PPP2R5C: variants seen among roughly 807,000 people sequenced by gnomAD.
PPP2R5C encodes serine/threonine-protein phosphatase 2A 56 kDa regulatory subunit gamma isoform.
In PPP2R5C, 7 loss-of-function variants were observed where a neutral mutation model predicts 68.9. The observed-to-expected ratio is 0.10, with a 90% confidence interval of 0.06 to 0.19. PPP2R5C has a LOEUF of 0.19. Among genes scored for constraint, PPP2R5C ranks in the 10% least tolerant of loss-of-function variants. The probability of loss-of-function intolerance (pLI) is 1.00; values close to 1 mark genes in which losing one functional copy is unlikely to be tolerated. For missense variants in PPP2R5C, 348 were observed against 641.3 expected (o/e 0.54, Z 4.94); for synonymous variants, 210 against 222.2 (o/e 0.95, Z 0.49).
exon 14 of PPP2R5C, chr14:101,927,735 C>T (rs2047334017): frequency 6.6e-6 from 1 of 152,572 alleles, no homozygotes; most frequent in Non-Finnish European, 1.5e-5. Flanking sequence ...TTCATAGAAA[C>T]AGCAAATATA....
intron 8 of PPP2R5C, among the ~76,000 whole-genome samples, chr14:101,896,404 G>A (rs891924009): frequency 2.6e-5 from 4 of 152,094 alleles, no homozygotes; most frequent in Non-Finnish European, 5.9e-5. Flanking sequence ...GACTGATGAT[G>A]TTGAGCATCT....
At chr14:101,864,303 G>A (rs2042928128) in intron 2 of PPP2R5C, among the ~76,000 whole-genome samples, 1 of 152,064 alleles carries the variant, frequency 6.6e-6, no homozygotes, top group Admixed American at 6.5e-5. Flanking sequence ...CATTAGAGTG[G>A]ACCTCTCCAG....
chr14:101,906,371 C>G lies in PPP2R5C; in HGVS notation c.1024-31C>G. On this transcript the variant is annotated intron_variant, in intron 9 of 13. Transcript: ENST00000334743. The surrounding 1 kb of genome is among the most constrained non-coding windows in gnomAD (Gnocchi z 4.0). ...AGCCACCTGATGTCTCAGGCACAAC[C>G]TCCAGCAAGCCATCCACTTGTGTCT... 2 of 1,562,264 alleles carry G rather than the reference C, an allele frequency of 1.3e-6. No individual in the cohort carries two copies. Among genetic ancestry groups the G allele is most frequent in the Non-Finnish European group, 8.7e-7 (1 of 1,155,578 alleles).
At chr14:101,885,970 T>C (rs910411333) in intron 5 of PPP2R5C, among the ~76,000 whole-genome samples, 4 of 152,356 alleles carry the variant, frequency 2.6e-5, no homozygotes, top group South Asian at 2.1e-4. Context: ...ACAAATCTAT[T>C]GAACATCTGC....
At chr14:101,876,771 GTGCGTGC>G (rs2043808551) in intron 2 of PPP2R5C, among the ~76,000 whole-genome samples, 1 of 152,276 alleles carries the variant, frequency 6.6e-6, no homozygotes, top group East Asian at 1.9e-4. Flanking sequence ...ATGCACTCAC[GTGCGTGC>G]CATTATTTTC....
intron 1 of PPP2R5C, among the ~76,000 whole-genome samples, chr14:101,851,071 A>T (rs901271847): frequency 1.3e-5 from 2 of 151,926 alleles, no homozygotes; most frequent in African/African-American, 4.8e-5. Context: ...TTTGCGTGAG[A>T]TCTCTTGTCT....
rs554051034 is a variant in PPP2R5C at position 101,917,909 on chromosome 14, C to G, written c.1405C>G (p.Gln469Glu). The G allele has an allele frequency of 1.2e-6, 2 of 1,613,700 alleles. No homozygotes were observed. The highest frequency in any genetic ancestry group is 2.2e-5 in the South Asian group (2 of 91,076). ...AGATGGGCCTTTATTTGAAGATGTG[C>G]AGATGCTGAGAAAGACAGTGAAGGA... Residue 469 changes from glutamine (Q) to glutamate (E), a missense_variant, in exon 13 of 14, where the codon CAG becomes GAG. By Grantham distance (29) the Gln-to-Glu change is conservative. This residue lies in a region of PPP2R5C where 118 missense variants were observed against 108.9 expected (regional missense o/e 1.08). Coordinates refer to ENST00000334743, the Ensembl canonical transcript of PPP2R5C. The surrounding 1 kb of genome is among the most constrained non-coding windows in gnomAD (Gnocchi z 4.4).
intron 1 of PPP2R5C, chr14:101,823,903 A>T: frequency 7.8e-7 from 1 of 1,276,096 alleles, no homozygotes; most frequent in Non-Finnish European, 1.0e-6. Context: ...TTATGGTGTC[A>T]TCTAGAAAAA....
At chr14:101,842,254 C>T (rs1361979601) in intron 1 of PPP2R5C, among the ~76,000 whole-genome samples, 1 of 152,164 alleles carries the variant, frequency 6.6e-6, no homozygotes, top group Admixed American at 6.5e-5. Flanking sequence ...ATATTACAGT[C>T]GTGTTACTTA....
intron 2 of PPP2R5C, among the ~76,000 whole-genome samples, chr14:101,783,188 CCTCCCCCTCTCTCTCTCCCCCCCCTTT>C (rs1409733406): frequency 7.5e-4 from 1 of 1,342 alleles, no homozygotes; most frequent in South Asian, 0.013. Flanking sequence ...CTCTTTCTCC[CCTCCCCCTCTCTCTCTCCCCCCCCTTT>C]CTCCCCCTCT....
Position 101,825,730 on chromosome 14 carries a change from G to A in PPP2R5C, c.94+15694G>A, listed in dbSNP as rs187371435. On this transcript the variant is annotated intron_variant, in intron 1 of 13. Transcript: ENST00000334743. The surrounding 1 kb of genome is among the most constrained non-coding windows in gnomAD (Gnocchi z 4.0). ...CCTGTTCAGTTTTTGTAGGTGAATGGTAAAGCTGTCAAAACCAGATCTGCT... is the reference window on the plus strand; with the variant it reads ...CCTGTTCAGTTTTTGTAGGTGAATGATAAAGCTGTCAAAACCAGATCTGCT... Among the ~76,000 whole-genome samples the A allele has an allele frequency of 6.6e-6, 1 of 152,328 alleles. No individual in the cohort carries two copies. Among genetic ancestry groups the A allele is most frequent in the East Asian group, 1.9e-4 (1 of 5,190 alleles).
At chr14:101,776,098 G>A (rs995552979) in intron 2 of PPP2R5C, among the ~76,000 whole-genome samples, 9 of 133,798 alleles carry the variant, frequency 6.7e-5, no homozygotes, top group South Asian at 2.5e-4. Flanking sequence ...GTTCAGACAC[G>A]TGGAGGCCAC....
intron 8 of PPP2R5C, among the ~76,000 whole-genome samples, chr14:101,898,192 A>G (rs775007059): frequency 2.3e-4 from 35 of 152,302 alleles, no homozygotes; most frequent in Middle Eastern, 3.4e-3. Flanking sequence ...TGGAAGGGAA[A>G]AAAAGCTATG....
At chr14:101,831,388 C>CTAG (rs2040729661) in intron 1 of PPP2R5C, among the ~76,000 whole-genome samples, 1 of 152,184 alleles carries the variant, frequency 6.6e-6, no homozygotes, top group Non-Finnish European at 1.5e-5. Flanking sequence ...AACAAAATAA[C>CTAG]TAGAAGCCAG....
chr14:101,804,381 A>G (rs1398749151), intron 3 of PPP2R5C, among the ~76,000 whole-genome samples: 2 of 152,256 alleles, frequency 1.3e-5, no homozygotes, highest in African/African-American at 4.8e-5. Context: ...ACATACCACA[A>G]AGAAAGAAAA....
At position 101,899,182 on chromosome 14, in the gene PPP2R5C, C is replaced by G. The variant is rs1436875431; in HGVS notation, c.853-2537C>G. On this transcript the variant is annotated intron_variant, in intron 8 of 13. Coordinates refer to ENST00000334743, the Ensembl canonical transcript of PPP2R5C. This position sits in a 1 kb window ranked among gnomAD's most constrained non-coding sequence, Gnocchi z 4.2. Reference sequence around the variant, plus strand: ...CTCTGTTGGAAGAATAACAAAAGCTCATCAGAGATTTTACAGAAGTAAAAC... The same window carrying G: ...CTCTGTTGGAAGAATAACAAAAGCTGATCAGAGATTTTACAGAAGTAAAAC... Among the ~76,000 whole-genome samples the G allele has an allele frequency of 1.3e-5, 2 of 152,236 alleles. No homozygotes were observed. Among genetic ancestry groups the G allele is most frequent in the Non-Finnish European group, 2.9e-5 (2 of 68,046 alleles).
At chr14:101,851,435 TAAAAA>T (rs1337497693) in intron 1 of PPP2R5C, among the ~76,000 whole-genome samples, 1 of 151,868 alleles carries the variant, frequency 6.6e-6, no homozygotes, top group African/African-American at 2.4e-5. Flanking sequence ...TGTCTCTAGT[TAAAAA>T]AAATAAAAAC....
At chr14:101,765,489 C>T in intron 2 of PPP2R5C, 1 of 532,886 alleles carries the variant, frequency 1.9e-6, no homozygotes, top group South Asian at 2.4e-5. Flanking sequence ...CCTCTCCTCT[C>T]TCTCAGTATT....
chr14:101,897,400 GTA>G (rs1019922941), intron 8 of PPP2R5C, among the ~76,000 whole-genome samples: 5 of 142,300 alleles, frequency 3.5e-5, no homozygotes, highest in African/African-American at 1.4e-4. Context: ...GTGAGAGGTT[GTA>G]TTTTTTTTTT....
Sources: allele counts gnomAD v4.1 joint callset (sites outside exome capture counted in the v4.1 genomes callset), GRCh38; gene constraint gnomAD v4.1.1; regional missense constraint gnomAD v4.1.1; non-coding constraint Gnocchi (gnomAD v3.1); transcripts MANE v1.5; gene names NCBI Gene and HGNC (gene_info 2026-07-23, HGNC 2026-07-21).